Variants in PRDX2 observed in about 807,000 individuals in gnomAD.
The protein encoded by PRDX2 is peroxiredoxin 2, also known as peroxiredoxin-2.
PRDX2 carries 10 observed loss-of-function variants against 19.8 expected under a neutral mutation model. That is an observed-to-expected ratio of 0.50 (90% CI 0.31 to 0.86). PRDX2 has a LOEUF of 0.86. Among genes scored for constraint, PRDX2 ranks in the 40% least tolerant of loss-of-function variants. The probability of loss-of-function intolerance (pLI) is 0.04; values close to 1 mark genes in which losing one functional copy is unlikely to be tolerated. For synonymous variants in PRDX2, 118 were observed against 108.2 expected (o/e 1.09, Z -0.56); for missense variants, 226 against 260.1 (o/e 0.87, Z 0.90).
intron 5 of PRDX2, 26 bp downstream of exon 5, chr19:12,799,833 C>G: frequency 6.2e-7 from 1 of 1,610,188 alleles, no homozygotes; most frequent in Non-Finnish European, 8.5e-7. Flanking sequence ...AGTATGTACC[C>G]ATGTGTCATG....
intron 3 of PRDX2, chr19:12,800,585 T>C: frequency 1.0e-6 from 1 of 988,418 alleles, no homozygotes; most frequent in Non-Finnish European, 1.4e-6. Flanking sequence ...CATCCTCCTC[T>C]AGCTGTGTCA....
rs1407350436 is a variant in PRDX2, at chr19:12,799,986, G to T, written c.384C>A (p.Gly128=). ...LKTDEGIAYR[G]LFIIDGKGVL... ...CACCCTTGCCATCGATGATAAAGAGGCCCCTGAAGACATCAGGGTTCCCAG... is the reference window on the plus strand; with the variant it reads ...CACCCTTGCCATCGATGATAAAGAGTCCCCTGAAGACATCAGGGTTCCCAG... Residue 128 remains glycine, a synonymous_variant, in exon 5 of 6, where the codon GGC becomes GGA. Transcript: ENST00000301522. 2 of 1,613,730 alleles carry T rather than the reference G, an allele frequency of 1.2e-6. No homozygotes were observed. Among genetic ancestry groups the T allele is most frequent in the East Asian group, 2.2e-5 (1 of 44,870 alleles).
chr19:12,800,646 T>C, intron 3 of PRDX2: 12 of 1,382,808 alleles, frequency 8.7e-6, no homozygotes, highest in Non-Finnish European at 1.1e-5. Flanking sequence ...CTTCATGAAA[T>C]AGGGCAGCAC....
At chr19:12,801,311 T>C (rs942803839) in intron 1 of PRDX2, 41 bp from the exon 2 acceptor site, 2 of 1,567,512 alleles carry the variant, frequency 1.3e-6, no homozygotes, top group Non-Finnish European at 1.7e-6. Context: ...GAAGACACTT[T>C]GTCCTCCCAA....
chr19:12,801,378 A>G, intron 1 of PRDX2, 108 bp from the exon 2 acceptor site: 2 of 1,177,348 alleles, frequency 1.7e-6, no homozygotes, highest in Non-Finnish European at 2.5e-6. Flanking sequence ...CGGAGGCGAC[A>G]GCACTAACCC....
chr19:12,799,794 G>A, intron 5 of PRDX2, 65 bp downstream of exon 5: 1 of 1,578,962 alleles, frequency 6.3e-7, no homozygotes, highest in South Asian at 1.2e-5. Flanking sequence ...GACAGGCAGT[G>A]AATGTTTGCA....
chr19:12,797,062 T>A lies in PRDX2; in HGVS notation c.*19A>T. ...CAGGCACCTAGGCAGGGGCACAAGC[T>A]CACTATCCGTTAGCCAGCCTAATTG... is the stretch of plus-strand genomic sequence containing the variant. On this transcript the variant is annotated 3_prime_UTR_variant, in exon 6 of 6. Coordinates refer to ENST00000301522, the MANE Select transcript of PRDX2 (RefSeq NM_005809.6). 6.2e-7 allele frequency: 1 copy of A among 1,613,100 alleles called. No individual in the cohort carries two copies. Among genetic ancestry groups the A allele is most frequent in the Non-Finnish European group, 8.5e-7 (1 of 1,179,692 alleles).
At chr19:12,800,789 T>A in intron 3 of PRDX2, 127 bp downstream of exon 3, 2 of 1,547,608 alleles carry the variant, frequency 1.3e-6, no homozygotes, top group Non-Finnish European at 8.7e-7. Flanking sequence ...TGGGCGGCAA[T>A]GTTTCCATTA....
chr19:12,799,996 ACAT>A lies in PRDX2; in HGVS notation c.381-10_381-8del. The A allele has an allele frequency of 6.2e-7, 1 of 1,613,120 alleles. No homozygotes were observed. The highest frequency in any genetic ancestry group is 1.3e-5 in the African/African-American group (1 of 74,976). On this transcript the variant is annotated splice_polypyrimidine_tract_variant and splice_region_variant and intron_variant, in intron 4 of 5. Transcript: ENST00000301522. ...ATCGATGATAAAGAGGCCCCTGAAG[ACAT>A]CAGGGTTCCCAGTGAGGAGCTGATA...
Position 12,801,080 on chromosome 19 carries a change from G to A in PRDX2, c.104-11C>T, listed in dbSNP as rs759787802. On this transcript the variant is annotated splice_polypyrimidine_tract_variant and intron_variant, in intron 2 of 5. Coordinates refer to ENST00000301522, the MANE Select transcript of PRDX2 (RefSeq NM_005809.6). ...GGACCACGTACTTCCCTGGGGAGGA[G>A]GGACACAGAGGAGTTAGGGCCCAGC... 1 of 1,611,616 alleles carries A rather than the reference G, an allele frequency of 6.2e-7. No individual in the cohort carries two copies. The highest frequency in any genetic ancestry group is 1.3e-5 in the African/African-American group (1 of 74,914).
chr19:12,797,235 C>T (rs1218206123), intron 5 of PRDX2, 69 bp from the exon 6 acceptor site: 2 of 1,375,232 alleles, frequency 1.5e-6, no homozygotes, highest in Non-Finnish European at 2.1e-6. Flanking sequence ...AAGCAAGGGC[C>T]TGTGTTGCAG....
In PRDX2 at chr19:12,800,314, G is replaced by A; in HGVS notation, c.258-15C>T. 6.2e-7 allele frequency: 1 copy of A among 1,607,784 alleles called. No homozygotes were observed. The highest frequency in any genetic ancestry group is 8.5e-7 in the Non-Finnish European group (1 of 1,176,774). ...GGGTGTTGATCCTGGGAGTAGGGGA[G>A]ACAGAGTTGGGGCCTCAGGATGCCT... is the stretch of plus-strand genomic sequence containing the variant. On this transcript the variant is annotated splice_polypyrimidine_tract_variant and intron_variant, in intron 3 of 5. Transcript: ENST00000301522.
intron 5 of PRDX2, among the ~76,000 whole-genome samples, chr19:12,798,507 A>C (rs1383450864): frequency 6.6e-6 from 1 of 151,664 alleles, no homozygotes; most frequent in Non-Finnish European, 1.5e-5. Flanking sequence ...ATGCACCACC[A>C]GGCTGGGCTA....
At position 12,800,193 on chromosome 19, in the gene PRDX2, CATCTGTTTTCAGCACGCCGTA is replaced by C. The variant is rs1568384263; in HGVS notation, c.343_363del (p.Tyr115_Asp121del). The C allele has an allele frequency of 5.6e-6, 9 of 1,613,800 alleles. No homozygotes were observed. In the Admixed American group the frequency reaches 1.5e-4, roughly 27 times the overall value. Reference sequence around the variant, plus strand: ...CCACAGTACCTGTAGGCAATGCCCTCATCTGTTTTCAGCACGCCGTAATCCTCAGACAAGCGTCTGGTCACG... The same window carrying C: ...CCACAGTACCTGTAGGCAATGCCCTCATCCTCAGACAAGCGTCTGGTCACG... On this transcript the variant is annotated inframe_deletion, in exon 4 of 6. Coordinates refer to ENST00000301522, the MANE Select transcript of PRDX2 (RefSeq NM_005809.6).
rs1321379532 is a variant in PRDX2, at chr19:12,797,077, C to T, written c.*4G>A. On this transcript the variant is annotated 3_prime_UTR_variant, in exon 6 of 6. Coordinates refer to ENST00000301522, the MANE Select transcript of PRDX2 (RefSeq NM_005809.6). ...GGGCACAAGCTCACTATCCGTTAGC[C>T]AGCCTAATTGTGTTTGGAGAAATAT... 1 of 1,613,726 alleles carries T rather than the reference C, an allele frequency of 6.2e-7. No individual in the cohort carries two copies. Among genetic ancestry groups the T allele is most frequent in the Non-Finnish European group, 8.5e-7 (1 of 1,179,980 alleles).
intron 5 of PRDX2, among the ~76,000 whole-genome samples, chr19:12,798,626 C>T (rs905010597): frequency 6.9e-6 from 1 of 144,280 alleles, no homozygotes; most frequent in Non-Finnish European, 1.5e-5. Flanking sequence ...GCTGGGATTA[C>T]AGGTGTGAGC....
intron 5 of PRDX2, among the ~76,000 whole-genome samples, chr19:12,798,652 C>CTTTT (rs1014273912): frequency 0.016 from 1,508 of 95,120 alleles, 27 homozygotes; most frequent in African/African-American, 0.032. Flanking sequence ...CATCTGGCCT[C>CTTTT]TTTTTTTTTT....
Position 12,799,989 on chromosome 19 carries a change from C to T in PRDX2, c.381G>A (p.Arg127=), listed in dbSNP as rs775211105. 4 of 1,613,568 alleles carry T rather than the reference C, an allele frequency of 2.5e-6. No individual in the cohort carries two copies. The highest frequency in any genetic ancestry group is 3.4e-6 in the Non-Finnish European group (4 of 1,179,852). ...CCTTGCCATCGATGATAAAGAGGCCCCTGAAGACATCAGGGTTCCCAGTGA... is the reference window on the plus strand; with the variant it reads ...CCTTGCCATCGATGATAAAGAGGCCTCTGAAGACATCAGGGTTCCCAGTGA... ...VLKTDEGIAY[R]GLFIIDGKGV... The change falls in exon 5 of 6, where the codon AGG becomes AGA. Residue 127 remains arginine (R), a splice_region_variant and synonymous_variant. Coordinates refer to ENST00000301522, the MANE Select transcript of PRDX2 (RefSeq NM_005809.6).
At position 12,800,585 on chromosome 19, in the gene PRDX2, T is replaced by A. The variant is rs1442303382; in HGVS notation, c.258-286A>T. On this transcript the variant is annotated intron_variant, in intron 3 of 5. Transcript: ENST00000301522. ...TGTGTTAAGAGTCCCCATCCTCCTCTAGCTGTGTCATGGGGTACAGCCCTT... is the reference window on the plus strand; with the variant it reads ...TGTGTTAAGAGTCCCCATCCTCCTCAAGCTGTGTCATGGGGTACAGCCCTT... 4.0e-6 allele frequency: 4 copies of A among 988,300 alleles called. No homozygotes were observed. In the African/African-American group the frequency reaches 6.6e-5, roughly 16 times the overall value. 61.2% of individuals were successfully genotyped at this position (988,300 alleles called of 1,614,324 possible).
Sources: gnomAD v4.1 joint callset for allele counts (sites outside exome capture counted in the v4.1 genomes callset) on GRCh38, gnomAD v4.1.1 for gene constraint, MANE v1.5 for transcripts, NCBI Gene and HGNC (gene_info 2026-07-23, HGNC 2026-07-21) for gene names.